HDAC4: variants seen among roughly 807,000 people sequenced by gnomAD.
The protein encoded by HDAC4 is histone deacetylase A.
Under a neutral mutation model 135.1 loss-of-function variants are expected in HDAC4, and 16 were observed. The observed-to-expected ratio is 0.12, with a 90% CI of 0.08 to 0.18. The LOEUF (loss-of-function observed/expected upper bound fraction) is 0.18, where lower values mean the gene tolerates loss of function less well. Among genes scored for constraint, HDAC4 ranks in the 10% least tolerant of loss-of-function variants. The pLI is 1.00. For missense variants in HDAC4, 1,143 were observed against 1,511.8 expected (o/e 0.76, Z 4.05); for synonymous variants, 685 against 653.4 (o/e 1.05, Z -0.74).
chr2:239,255,298 TG>T (rs1411140930), intron 2 of HDAC4, among the ~76,000 whole-genome samples: 1 of 41,586 alleles, frequency 2.4e-5, no homozygotes, highest in African/African-American at 6.8e-5. Flanking sequence ...TTTCTCACTG[TG>T]TGTGTGTGTG....
intron 3 of HDAC4, among the ~76,000 whole-genome samples, chr2:239,208,945 C>T (rs958221851): frequency 1.3e-5 from 2 of 152,198 alleles, no homozygotes; most frequent in South Asian, 2.1e-4. Context: ...TGCAGTGGCA[C>T]GATCATGGCT....
chr2:239,355,853 T>C (rs1693458861), intron 1 of HDAC4, among the ~76,000 whole-genome samples: 1 of 152,246 alleles, frequency 6.6e-6, no homozygotes, highest in South Asian at 2.1e-4. Context: ...TCTGGCAAGC[T>C]GACATGCACG....
rs2051063893 is a variant in HDAC4, at chr2:239,285,180, C to T, written c.23-48516G>A. 1.3e-5 allele frequency among the ~76,000 whole-genome samples: 2 copies of T among 152,316 alleles called. No homozygotes were observed. Among genetic ancestry groups the T allele is most frequent in the South Asian group, 4.1e-4 (2 of 4,820 alleles). ...TGCAGATGGTACAGAGAAAGCGTTA[C>T]ACAGTGAGAAAACAGGCAGCTGGAT... On this transcript the variant is annotated intron_variant, in intron 2 of 26. Coordinates refer to ENST00000543185, the MANE Select transcript of HDAC4 (RefSeq NM_001378414.1). The surrounding 1 kb of genome is among the most constrained non-coding windows in gnomAD (Gnocchi z 4.5).
chr2:239,195,895 T>G (rs186769391), intron 3 of HDAC4, among the ~76,000 whole-genome samples: 145 of 152,348 alleles, frequency 9.5e-4, no homozygotes, highest in African/African-American at 3.3e-3. Context: ...AGTCTCTCTC[T>G]CTCGCTCTTT....
chr2:239,223,389 C>A (rs1022482770), intron 3 of HDAC4, among the ~76,000 whole-genome samples: 1 of 152,192 alleles, frequency 6.6e-6, no homozygotes, highest in African/African-American at 2.4e-5. Flanking sequence ...CCGGCGTGGG[C>A]TGCAGCATCT....
intron 22 of HDAC4, among the ~76,000 whole-genome samples, chr2:239,074,246 TAAAGCCAAGACCTTTTTC>T (rs2152645484): frequency 6.6e-6 from 1 of 152,378 alleles, no homozygotes; most frequent in South Asian, 2.1e-4. Flanking sequence ...GTGTGGATTT[TAAAGCCAAGACCTTTTTC>T]AATGAGAACC....
At chr2:239,233,023 C>T (rs575818827) in intron 3 of HDAC4, among the ~76,000 whole-genome samples, 6 of 152,362 alleles carry the variant, frequency 3.9e-5, no homozygotes, top group South Asian at 4.1e-4. Flanking sequence ...AGCAAAGCCA[C>T]GTCCACAACT....
chr2:239,148,187 C>T (rs1233015024), intron 7 of HDAC4, among the ~76,000 whole-genome samples: 3 of 152,138 alleles, frequency 2.0e-5, no homozygotes, highest in Admixed American at 1.3e-4. Context: ...TCCAGCTGCT[C>T]TGCCCTGAAA....
chr2:239,184,499 TG>T (rs67387198), intron 4 of HDAC4, among the ~76,000 whole-genome samples: 17,679 of 98,330 alleles, frequency 0.18, 2,582 homozygotes, highest in East Asian at 0.36. Flanking sequence ...CTGTGCCCTA[TG>T]GGGGGGGGTC....
At chr2:239,213,753 A>G (rs570273201) in intron 3 of HDAC4, among the ~76,000 whole-genome samples, 1 of 152,338 alleles carries the variant, frequency 6.6e-6, no homozygotes, top group Non-Finnish European at 1.5e-5. Context: ...TGGAACACAC[A>G]CTGCCTGACA....
intron 24 of HDAC4, among the ~76,000 whole-genome samples, chr2:239,063,513 C>T (rs1252480846): frequency 6.6e-6 from 1 of 152,196 alleles, no homozygotes; most frequent in Admixed American, 6.5e-5. Context: ...CAGCCCTGGT[C>T]TTTAAGGCAG....
Position 239,185,572 on chromosome 2 carries a change from C to T in HDAC4, c.339+4261G>A, listed in dbSNP as rs952304147. Among the ~76,000 whole-genome samples, 6 of 151,974 alleles carry T rather than the reference C, an allele frequency of 3.9e-5. No homozygotes were observed. The South Asian group carries it at 1.0e-3, about 26-fold the overall frequency. On this transcript the variant is annotated intron_variant, in intron 4 of 26. Coordinates refer to ENST00000543185, the MANE Select transcript of HDAC4 (RefSeq NM_001378414.1). ...GAGAGATGCACCCTGAGGTGGGTGCCGGGGCCCAGTCTTGTGCTTGGGGTC... is the reference window on the plus strand; with the variant it reads ...GAGAGATGCACCCTGAGGTGGGTGCTGGGGCCCAGTCTTGTGCTTGGGGTC...
At chr2:239,302,848 C>A (rs2052348492) in intron 2 of HDAC4, among the ~76,000 whole-genome samples, 2 of 152,256 alleles carry the variant, frequency 1.3e-5, no homozygotes, top group Admixed American at 1.3e-4. Flanking sequence ...AAAAGAGTCT[C>A]TCAAGTTAGG....
intron 3 of HDAC4, among the ~76,000 whole-genome samples, chr2:239,196,681 C>G (rs1030752420): frequency 9.9e-5 from 15 of 152,178 alleles, no homozygotes; most frequent in Admixed American, 6.5e-5. Context: ...TCATGTGGAC[C>G]AGAACCAGGT....
intron 1 of HDAC4, among the ~76,000 whole-genome samples, chr2:239,366,050 C>A (rs1044253082): frequency 6.9e-6 from 1 of 145,516 alleles, no homozygotes; most frequent in East Asian, 2.1e-4. Context: ...GTCAGGGTCA[C>A]GCGTGTGGCA....
At chr2:239,251,502 C>A (rs952010925) in intron 2 of HDAC4, among the ~76,000 whole-genome samples, 1 of 152,030 alleles carries the variant, frequency 6.6e-6, no homozygotes, top group Non-Finnish European at 1.5e-5. Flanking sequence ...GGCTGAGGCA[C>A]GAGGATCTCT....
rs576033926 is a variant in HDAC4, at chr2:239,163,223, G to A, written c.611+580C>T. Among the ~76,000 whole-genome samples the A allele has an allele frequency of 3.9e-5, 6 of 152,324 alleles. No individual in the cohort carries two copies. In the East Asian group the frequency reaches 1.2e-3, roughly 30 times the overall value. ...ATAAAATAATAGAAGTACCACGGGG[G>A]CTTCCTGACTAGCCTAAGAATTATT... On this transcript the variant is annotated intron_variant, in intron 6 of 26. Transcript: ENST00000543185.
At chr2:239,201,999 C>T (rs117080805) in intron 3 of HDAC4, among the ~76,000 whole-genome samples, 2 of 152,312 alleles carry the variant, frequency 1.3e-5, no homozygotes, top group East Asian at 3.9e-4. Flanking sequence ...GTGGTCCCTG[C>T]AGTTGGCAGG....
At chr2:239,401,244 C>A (rs1328770995), upstream of HDAC4, among the ~76,000 whole-genome samples, 1 of 152,176 alleles carries the variant, frequency 6.6e-6, no homozygotes, top group East Asian at 1.9e-4. Context: ...GAAACCTGCG[C>A]ACAGCCCGTC....
Sources: gnomAD v4.1 joint callset for allele counts (sites outside exome capture counted in the v4.1 genomes callset) on GRCh38, gnomAD v4.1.1 for gene constraint, Gnocchi (gnomAD v3.1) non-coding constraint, MANE v1.5 for transcripts, NCBI Gene and HGNC (gene_info 2026-07-23, HGNC 2026-07-21) for gene names.